The following ITPR3 variants were observed in gnomAD, a reference collection of about 807,000 sequenced individuals.
ITPR3 encodes the protein inositol 1,4,5-trisphosphate-gated calcium channel ITPR3.
ITPR3 carries 173 observed loss-of-function variants against 293.2 expected under a neutral mutation model. The observed-to-expected ratio is 0.59, with a 90% CI of 0.52 to 0.67. The LOEUF (loss-of-function observed/expected upper bound fraction) is 0.67, where lower values mean the gene tolerates loss of function less well. Among genes scored for constraint, ITPR3 ranks in the 30% least tolerant of loss-of-function variants. ITPR3 has a pLI of 0.00. For missense variants in ITPR3, 2,796 were observed against 3,592.1 expected, an observed-to-expected ratio of 0.78 and a Z score of 5.66; for synonymous variants, 1,295 against 1,444.4, an observed-to-expected ratio of 0.90 and a Z score of 2.35.
At chr6:33,635,940 G>T (rs1357151399) in intron 1 of ITPR3, among the ~76,000 whole-genome samples, 3 of 151,886 alleles carry the variant, frequency 2.0e-5, no homozygotes, top group African/African-American at 7.3e-5. Flanking sequence ...TCTGAGATGG[G>T]TGGTTCTGGT....
chr6:33,688,427 C>G lies in ITPR3; in HGVS notation c.6564C>G (p.Leu2188=). The part of the protein sequence containing the change: ...LHNEMEWQRK[L]RSMPLIYWFS... Reference sequence around the variant, plus strand: ...ACGAGATGGAGTGGCAGCGCAAGCTCCGCAGTGAGGACCCACGGGCGGGAG... The same window carrying G: ...ACGAGATGGAGTGGCAGCGCAAGCTGCGCAGTGAGGACCCACGGGCGGGAG... The change falls in exon 48 of 58, where the codon CTC becomes CTG. Residue 2188 remains leucine (L), a synonymous_variant. Coordinates refer to ENST00000605930, the MANE Select transcript of ITPR3 (RefSeq NM_002224.4). 7.2e-7 allele frequency: 1 copy of G among 1,389,638 alleles called. No homozygotes were observed. The highest frequency in any genetic ancestry group is 9.6e-7 in the Non-Finnish European group (1 of 1,042,076). 86.1% of individuals were successfully genotyped at this position (1,389,638 alleles called of 1,614,324 possible). A position where few individuals can be genotyped will look rare whatever the true frequency, so the allele number is the denominator to read the frequency against.
chr6:33,696,423 G>A lies in ITPR3; in HGVS notation c.*643G>A, dbSNP rs1023736049. The A allele has an allele frequency of 1.3e-5, 2 of 152,852 alleles. No homozygotes were observed. The highest frequency in any genetic ancestry group is 4.8e-5 in the African/African-American group (2 of 41,446). The allele number at this position is 152,852 out of a possible 1,614,324, so 9.5% of individuals were successfully genotyped here. ...CAGGCTTCCTGGGGAAGAGTTGTAC[G>A]CCCAGGCAACAAGGGCTGAGCTGCG... On this transcript the variant is annotated 3_prime_UTR_variant, in exon 58 of 58. Transcript: ENST00000605930.
chr6:33,685,217 G>T, intron 39 of ITPR3, 142 bp from the exon 40 acceptor site: 1 of 870,050 alleles, frequency 1.1e-6, no homozygotes, highest in Non-Finnish European at 1.8e-6. Flanking sequence ...GGGTGGCCAT[G>T]GATGCTAGCC....
In ITPR3 at chr6:33,633,323, A is replaced by G. The variant is rs1763726388; in HGVS notation, c.90-7161A>G. Among the ~76,000 whole-genome samples, 1 of 152,052 alleles carries G rather than the reference A, an allele frequency of 6.6e-6. No individual in the cohort carries two copies. Among genetic ancestry groups the G allele is most frequent in the South Asian group, 2.1e-4 (1 of 4,818 alleles). ...CCGTGGGTGGAGGGACCTTGTGGGG[A>G]GGCGTTGGCGAGAGGGGGGTGAAGC... On this transcript the variant is annotated intron_variant, in intron 1 of 57. Coordinates refer to ENST00000605930, the MANE Select transcript of ITPR3 (RefSeq NM_002224.4). The surrounding 1 kb of genome is among the most constrained non-coding windows in gnomAD (Gnocchi z 5.2).
Position 33,679,817 on chromosome 6 carries a change from C to T in ITPR3, c.3973-65C>T, listed in dbSNP as rs4713653. 105 of 1,546,278 alleles carry T rather than the reference C, an allele frequency of 6.8e-5. No individual in the cohort carries two copies. In the East Asian group the frequency reaches 1.6e-3, roughly 23 times the overall value. On this transcript the variant is annotated intron_variant, in intron 30 of 57. Coordinates refer to ENST00000605930, the MANE Select transcript of ITPR3 (RefSeq NM_002224.4). The surrounding 1 kb of genome is among the most constrained non-coding windows in gnomAD (Gnocchi z 4.2). ...GTCCCAGTTTCTCCCTGGTAAGCAACGGAGAGGAGAGCCCAGGGCTTGCTG... is the reference window on the plus strand; with the variant it reads ...GTCCCAGTTTCTCCCTGGTAAGCAATGGAGAGGAGAGCCCAGGGCTTGCTG...
At position 33,680,095 on chromosome 6, in the gene ITPR3, G is replaced by A; in HGVS notation, c.4186G>A (p.Val1396Met). 7 of 1,613,626 alleles carry A rather than the reference G, an allele frequency of 4.3e-6. No individual in the cohort carries two copies. The highest frequency in any genetic ancestry group is 5.9e-6 in the Non-Finnish European group (7 of 1,180,022). The change falls in exon 31 of 58, where the codon GTG becomes ATG. Residue 1396 changes from valine to methionine, a missense_variant. By Grantham distance (21) the Val-to-Met change is conservative. Around this residue, in one of 8 missense-constraint regions of ITPR3, gnomAD observed 344 missense variants for 460.3 expected, o/e 0.75. Transcript: ENST00000605930. ...CACCTCCCTGCTGCCGCTGGAGGACGTGGTGTCTGTGGTGACGCATGAGGA... is the reference window on the plus strand; with the variant it reads ...CACCTCCCTGCTGCCGCTGGAGGACATGGTGTCTGTGGTGACGCATGAGGA... The part of the protein sequence containing the change: ...KCTSLLPLED[V>M]VSVVTHEDCI...
chr6:33,662,388 C>T (rs1582130890), intron 7 of ITPR3, 140 bp from the exon 8 acceptor site: 1 of 508,764 alleles, frequency 2.0e-6, no homozygotes, highest in Non-Finnish European at 2.9e-6. Context: ...CAGCTTGCAT[C>T]CCCCTCTCTG....
intron 32 of ITPR3, 26 bp downstream of exon 32, chr6:33,680,480 G>A: frequency 1.4e-5 from 23 of 1,611,920 alleles, no homozygotes; most frequent in Non-Finnish European, 2.0e-5. Context: ...GGGTGTGGGT[G>A]AAGCCCCCCA....
chr6:33,671,982 A>G, intron 21 of ITPR3, 47 bp from the exon 22 acceptor site: 1 of 1,535,916 alleles, frequency 6.5e-7, no homozygotes, highest in Non-Finnish European at 8.8e-7. Context: ...CCCTGTGTAC[A>G]GCCTCTACAA....
rs146604048 is a variant in ITPR3, at chr6:33,690,048, C to T, written c.6882C>T (p.Ile2294=). The T allele has an allele frequency of 5.8e-5, 94 of 1,614,178 alleles. No homozygotes were observed. The highest frequency in any genetic ancestry group is 1.2e-4 in the African/African-American group (9 of 75,052). ...ILGALNLTNK[I]VFVVSFVGNR... ...CTCGCCCCCAGCTGACCAACAAGAT[C>T]GTGTTTGTGGTGAGCTTCGTGGGCA... The change falls in exon 51 of 58, where the codon ATC becomes ATT. Residue 2294 remains isoleucine, a synonymous_variant. Coordinates refer to ENST00000605930, the MANE Select transcript of ITPR3 (RefSeq NM_002224.4).
Position 33,683,923 on chromosome 6 carries a change from C to A in ITPR3, c.4789-97C>A. The A allele has an allele frequency of 7.3e-7, 1 of 1,373,652 alleles. No homozygotes were observed. The highest frequency in any genetic ancestry group is 2.3e-5 in the East Asian group (1 of 42,864). 85.1% of individuals were successfully genotyped at this position (1,373,652 alleles called of 1,614,324 possible). On this transcript the variant is annotated intron_variant, in intron 35 of 57. Transcript: ENST00000605930. The surrounding 1 kb of genome is among the most constrained non-coding windows in gnomAD (Gnocchi z 4.5). ...GTGGGCCCCTCAGACAGAGGCAGGG[C>A]AATCTGTGGGGCTGTTTGGCGTTTG...
intron 1 of ITPR3, among the ~76,000 whole-genome samples, chr6:33,627,642 A>C (rs553622714): frequency 8.5e-5 from 13 of 152,230 alleles, no homozygotes; most frequent in Non-Finnish European, 1.6e-4. Flanking sequence ...AGAAATGGAG[A>C]TCAAAGACAA....
At chr6:33,661,303 C>A (rs1037775174) in intron 7 of ITPR3, among the ~76,000 whole-genome samples, 23 of 152,190 alleles carry the variant, frequency 1.5e-4, no homozygotes, top group African/African-American at 5.5e-4. Flanking sequence ...GAGTGGCAGC[C>A]ATGCATTGTG....
Position 33,688,394 on chromosome 6 carries a change from C to T in ITPR3, c.6531C>T (p.Phe2177=), listed in dbSNP as rs1217997434. ...GCGACTTCTTCGACCAGTCCTCCTT[C>T]CTGCACAACGAGATGGAGTGGCAGC... ...KVSDFFDQSS[F]LHNEMEWQRK... is the part of the protein sequence containing the mutation. Residue 2177 remains phenylalanine, a synonymous_variant, in exon 48 of 58, where the codon TTC becomes TTT. Transcript: ENST00000605930. The T allele has an allele frequency of 6.2e-7, 1 of 1,609,496 alleles. No homozygotes were observed. Among genetic ancestry groups the T allele is most frequent in the African/African-American group, 1.3e-5 (1 of 74,792 alleles).
rs1455821306 is a variant in ITPR3, at chr6:33,670,890, C to G, written c.2586+75C>G. 12 of 1,544,772 alleles carry G rather than the reference C, an allele frequency of 7.8e-6. No individual in the cohort carries two copies. Among genetic ancestry groups the G allele is most frequent in the Non-Finnish European group, 1.1e-5 (12 of 1,140,702 alleles). ...CCCCACACTGGCCTCGGTCTTCACC[C>G]AGGAGTCGGCTGTGGGATCCATGAC... On this transcript the variant is annotated intron_variant, in intron 20 of 57. Transcript: ENST00000605930. This position sits in a 1 kb window ranked among gnomAD's most constrained non-coding sequence, Gnocchi z 6.7.
Position 33,658,085 on chromosome 6 carries a change from T to A in ITPR3, c.369+67T>A, listed in dbSNP as rs1582125966. 3 of 1,402,954 alleles carry A rather than the reference T, an allele frequency of 2.1e-6. No individual in the cohort carries two copies. Among genetic ancestry groups the A allele is most frequent in the Non-Finnish European group, 2.0e-6 (2 of 999,232 alleles). The allele number at this position is 1,402,954 out of a possible 1,614,324, so 86.9% of individuals were successfully genotyped here. ...CCTAAGAGGCTGGGCTGGTGCTGGGTGAGGGCTGCCAGCAGGCATTGCCCT... is the reference window on the plus strand; with the variant it reads ...CCTAAGAGGCTGGGCTGGTGCTGGGAGAGGGCTGCCAGCAGGCATTGCCCT... On this transcript the variant is annotated intron_variant, in intron 4 of 57. Coordinates refer to ENST00000605930, the MANE Select transcript of ITPR3 (RefSeq NM_002224.4). This position sits in a 1 kb window ranked among gnomAD's most constrained non-coding sequence, Gnocchi z 6.1.
At chr6:33,631,622 G>A (rs1763681051) in intron 1 of ITPR3, among the ~76,000 whole-genome samples, 1 of 152,236 alleles carries the variant, frequency 6.6e-6, no homozygotes, top group Admixed American at 6.5e-5. Context: ...TTGAAGCACA[G>A]CACCACAGGG....
chr6:33,681,490 A>G (rs1298442713), intron 33 of ITPR3, among the ~76,000 whole-genome samples: 4 of 152,240 alleles, frequency 2.6e-5, no homozygotes, highest in African/African-American at 4.8e-5. Flanking sequence ...GAATCTCGAA[A>G]GATTCATGGC....
intron 39 of ITPR3, among the ~76,000 whole-genome samples, 197 bp downstream of exon 39, chr6:33,685,140 G>A (rs1765190139): frequency 2.6e-5 from 4 of 152,322 alleles, no homozygotes; most frequent in Admixed American, 1.3e-4. Context: ...CTGGGGCAGA[G>A]GGGTATGCGG....
Sources: gnomAD v4.1 joint callset for allele counts (sites outside exome capture counted in the v4.1 genomes callset) on GRCh38, gnomAD v4.1.1 for gene constraint, gnomAD v4.1.1 regional missense constraint, Gnocchi (gnomAD v3.1) non-coding constraint, MANE v1.5 for transcripts, NCBI Gene and HGNC (gene_info 2026-07-23, HGNC 2026-07-21) for gene names.